Variants in PCDHA8 observed in about 807,000 individuals in gnomAD.
PCDHA8 encodes the protein protocadherin alpha 8, also known as protocadherin alpha-8.
Under a neutral mutation model 61.8 loss-of-function variants are expected in PCDHA8, and 53 were observed. The ratio of observed to expected loss-of-function variants is 0.86; its 90% CI spans 0.69 to 1.08. The LOEUF (loss-of-function observed/expected upper bound fraction) is 1.08, where lower values mean the gene tolerates loss of function less well. PCDHA8 is among the 50% of genes least tolerant of loss of function. The pLI, the probability that PCDHA8 is intolerant of heterozygous loss-of-function variation, is 0.00. For missense variants in PCDHA8, 1,293 were observed against 1,245.0 expected (o/e 1.04, Z -0.58); for synonymous variants, 618 against 556.6 (o/e 1.11, Z -1.55).
rs549678873 is a variant in PCDHA8, at chr5:140,877,710, G to GA, written c.2394+33996dup. ...CGCTGGTGTGCTCCAGCGCCGTGGG[G>GA]AGTTGGTCTTACTCGCAGCAGAGGA... is the stretch of plus-strand genomic sequence containing the variant. On this transcript the variant is annotated intron_variant, in intron 1 of 3. Transcript: ENST00000531613. 3.7e-5 allele frequency: 60 copies of GA among 1,614,098 alleles called. 1 individual carries two copies. The Admixed American group carries it at 8.2e-4, about 22-fold the overall frequency.
chr5:140,844,739 T>G (rs1370806912), intron 1 of PCDHA8, among the ~76,000 whole-genome samples: 1 of 149,606 alleles, frequency 6.7e-6, no homozygotes, highest in Non-Finnish European at 1.5e-5. Context: ...ATATTTAGTA[T>G]TATGGGATAA....
intron 1 of PCDHA8, chr5:140,868,884 T>G (rs2050712940): frequency 1.4e-6 from 1 of 728,466 alleles, no homozygotes; most frequent in South Asian, 2.1e-5. Context: ...ACTCACAGTT[T>G]TAGGCGCAAG....
chr5:140,952,416 G>T (rs114343205), intron 1 of PCDHA8, among the ~76,000 whole-genome samples: 1 of 151,730 alleles, frequency 6.6e-6, no homozygotes, highest in Non-Finnish European at 1.5e-5. Context: ...TTAATGTTCC[G>T]CAGATTCCTA....
chr5:140,876,146 C>T, intron 1 of PCDHA8: 1 of 1,613,952 alleles, frequency 6.2e-7, no homozygotes, highest in Non-Finnish European at 8.5e-7. Context: ...CTAACAGGGT[C>T]TGTCCAGATT....
intron 1 of PCDHA8, chr5:140,869,216 A>C: frequency 6.2e-7 from 1 of 1,613,836 alleles, no homozygotes; most frequent in South Asian, 1.1e-5. Flanking sequence ...GTCTCGGAGG[A>C]GGCCAAACAC....
chr5:141,000,421 A>ATATTTTT (rs1265241806), intron 3 of PCDHA8, among the ~76,000 whole-genome samples: 1 of 27,968 alleles, frequency 3.6e-5, no homozygotes, highest in Non-Finnish European at 5.7e-5. Context: ...ATATATATAT[A>ATATTTTT]TTTTTTTTTT....
intron 1 of PCDHA8, among the ~76,000 whole-genome samples, chr5:140,977,307 G>A (rs1023836424): frequency 6.6e-6 from 1 of 152,304 alleles, no homozygotes; most frequent in Non-Finnish European, 1.5e-5. Context: ...ACAAGCTAAC[G>A]ATAGTGCTCC....
intron 1 of PCDHA8, among the ~76,000 whole-genome samples, chr5:140,941,202 C>CCTTTCTTCCTTCCTTTCTTT (rs1394736170): frequency 8.1e-5 from 10 of 122,740 alleles, no homozygotes; most frequent in African/African-American, 2.1e-4. Context: ...TTTCTTTCTT[C>CCTTTCTTCCTTCCTTTCTTT]CTTTCTTTCT....
rs149174279 is a variant in PCDHA8, at chr5:140,843,203, A to G, written c.1882A>G (p.Thr628Ala). 525 of 1,595,940 alleles carry G rather than the reference A, an allele frequency of 3.3e-4. 48 individuals carry two copies. Among genetic ancestry groups the G allele is most frequent in the Non-Finnish European group, 7.1e-5 (83 of 1,165,544 alleles). ...CATCCCGTTCCGCGTGGGGCTGTAC[A>G]CGGGCGAGATCAGCACCACTCGTGT... is the stretch of plus-strand genomic sequence containing the variant. ...PRIPFRVGLY[T>A]GEISTTRVLD... Residue 628 changes from threonine to alanine, a missense_variant, in exon 1 of 4, where the codon ACG becomes GCG. Coordinates refer to ENST00000531613, the MANE Select transcript of PCDHA8 (RefSeq NM_018911.3).
Position 140,843,529 on chromosome 5 carries a change from G to A in PCDHA8, c.2208G>A (p.Lys736=), listed in dbSNP as rs2150362130. ...LPTEGGCRAG[K]PTLVCSSAVG... is the part of the protein sequence containing the mutation. ...CTGAGGGCGGGTGCCGGGCGGGCAA[G>A]CCCACTCTGGTGTGCTCCAGTGCGG... The change falls in exon 1 of 4, where the codon AAG becomes AAA. Residue 736 remains lysine (K), a synonymous_variant. Coordinates refer to ENST00000531613, the MANE Select transcript of PCDHA8 (RefSeq NM_018911.3). 6.3e-7 allele frequency: 1 copy of A among 1,596,020 alleles called. No homozygotes were observed. The highest frequency in any genetic ancestry group is 1.7e-4 in the Middle Eastern group (1 of 5,980).
chr5:140,921,631 T>C (rs1435281144), intron 1 of PCDHA8, among the ~76,000 whole-genome samples: 2 of 152,206 alleles, frequency 1.3e-5, no homozygotes, highest in Non-Finnish European at 2.9e-5. Flanking sequence ...ATCATCATTA[T>C]GGTAGCTATT....
chr5:140,849,548 T>C, intron 1 of PCDHA8: 1 of 1,598,372 alleles, frequency 6.3e-7, no homozygotes, highest in Non-Finnish European at 8.6e-7. Flanking sequence ...CACAGTTGAC[T>C]ATCAAAACGC....
intron 3 of PCDHA8, among the ~76,000 whole-genome samples, chr5:140,987,129 G>A (rs1281954011): frequency 1.3e-5 from 2 of 151,758 alleles, no homozygotes; most frequent in African/African-American, 4.8e-5. Flanking sequence ...CAGGAGAATT[G>A]CTTGAACTCG....
rs535420158 is a variant in PCDHA8, at chr5:140,966,438, T to TC, written c.2395-12508dup. Reference sequence around the variant, plus strand: ...AGGACTTGCTGAGCCCTCCTACCGCTCCCTTTCCCCCTCCCCCTCTGTCTT... The same window carrying TC: ...AGGACTTGCTGAGCCCTCCTACCGCTCCCCTTTCCCCCTCCCCCTCTGTCTT... On this transcript the variant is annotated intron_variant, in intron 1 of 3. Transcript: ENST00000531613. 1.4e-5 allele frequency: 6 copies of TC among 422,688 alleles called. No homozygotes were observed. The East Asian group carries it at 1.4e-4, about 10-fold the overall frequency. 26.2% of individuals were successfully genotyped at this position (422,688 alleles called of 1,614,324 possible).
At chr5:140,914,973 G>A (rs1166162661) in intron 1 of PCDHA8, among the ~76,000 whole-genome samples, 2 of 140,450 alleles carry the variant, frequency 1.4e-5, no homozygotes, top group Non-Finnish European at 3.0e-5. Context: ...CTGAGTCAGA[G>A]TCTTGCTCTG....
intron 1 of PCDHA8, among the ~76,000 whole-genome samples, chr5:140,873,125 A>G (rs1252639627): frequency 6.6e-6 from 1 of 152,208 alleles, no homozygotes. Context: ...CAATATTCAA[A>G]GAGTCTATGC....
intron 1 of PCDHA8, chr5:140,853,991 C>A: frequency 2.1e-6 from 1 of 473,788 alleles, no homozygotes; most frequent in Non-Finnish European, 2.8e-6. Context: ...TAGTGAGACT[C>A]ATCTCTGCCA....
chr5:140,985,494 C>G (rs1217361161), intron 3 of PCDHA8, among the ~76,000 whole-genome samples: 2 of 152,136 alleles, frequency 1.3e-5, no homozygotes, highest in Non-Finnish European at 2.9e-5. Flanking sequence ...TCAAATAGAG[C>G]CTGCCTTTCA....
At chr5:140,843,820 T>A in intron 1 of PCDHA8, 105 bp downstream of exon 1, 1 of 1,210,794 alleles carries the variant, frequency 8.3e-7, no homozygotes, top group South Asian at 1.5e-5. Flanking sequence ...TAGTGAAAAT[T>A]TAAACATTGT....
Sources: gnomAD v4.1 joint callset for allele counts (sites outside exome capture counted in the v4.1 genomes callset) on GRCh38, gnomAD v4.1.1 for gene constraint, MANE v1.5 for transcripts, NCBI Gene and HGNC (gene_info 2026-07-23, HGNC 2026-07-21) for gene names.